Variants in ATG7 observed in about 807,000 individuals in gnomAD.
The protein encoded by ATG7 is ubiquitin-like modifier-activating enzyme ATG7.
In ATG7, 70 loss-of-function variants were observed where a neutral mutation model predicts 82.4. That is an observed-to-expected ratio of 0.85 (90% CI 0.70 to 1.04). The LOEUF is 1.04. Among genes scored for constraint, ATG7 ranks in the 50% least tolerant of loss-of-function variants. The pLI is 0.00. For missense variants in ATG7, 792 were observed against 864.3 expected, an observed-to-expected ratio of 0.92 and a Z score of 1.05; for synonymous variants, 287 against 313.0, an observed-to-expected ratio of 0.92 and a Z score of 0.88.
At position 11,518,447 on chromosome 3, in the gene ATG7, T is replaced by C. The variant is rs183966825; in HGVS notation, c.2080-36364T>C. 3.4e-3 allele frequency among the ~76,000 whole-genome samples: 515 copies of C among 151,726 alleles called. 2 individuals carry two copies. Among genetic ancestry groups the C allele is most frequent in the African/African-American group, 0.012 (487 of 41,332 alleles). On this transcript the variant is annotated intron_variant, in intron 20 of 20. Transcript: ENST00000693202. ...CTATAGTCCCAGCTACTTGGGAGGC[T>C]GAGGCAGGAGAATCTCTTGAACCCA...
intron 20 of ATG7, among the ~76,000 whole-genome samples, chr3:11,485,136 T>C (rs1328509322): frequency 6.6e-6 from 1 of 152,204 alleles, no homozygotes; most frequent in Non-Finnish European, 1.5e-5. Context: ...TCCACAAGGG[T>C]TGAACTAGTT....
chr3:11,401,188 T>C (rs189028483), intron 19 of ATG7, among the ~76,000 whole-genome samples: 1 of 152,368 alleles, frequency 6.6e-6, no homozygotes, highest in African/African-American at 2.4e-5. Flanking sequence ...ACTTCTGTTT[T>C]AACAAGCCTT....
chr3:11,515,406 C>T (rs1263751160), intron 20 of ATG7, among the ~76,000 whole-genome samples: 2 of 151,744 alleles, frequency 1.3e-5, no homozygotes, highest in African/African-American at 4.8e-5. Context: ...CCGGTTCAAG[C>T]GATTGTCCTG....
rs529530757 is a variant in ATG7 at position 11,540,077 on chromosome 3, G to T, written c.2080-14734G>T. ...TGGGAGATTATCTAGGACTAGAATTGCTGGGTCCTATGGTGGAAGTGTATG... is the reference window on the plus strand; with the variant it reads ...TGGGAGATTATCTAGGACTAGAATTTCTGGGTCCTATGGTGGAAGTGTATG... On this transcript the variant is annotated intron_variant, in intron 20 of 20. Transcript: ENST00000693202. Among the ~76,000 whole-genome samples the T allele has an allele frequency of 1.4e-4, 21 of 152,352 alleles. 1 individual carries two copies. The highest frequency in any genetic ancestry group is 4.6e-4 in the African/African-American group (19 of 41,586).
At chr3:11,545,195 G>GGC (rs2071172958) in intron 20 of ATG7, among the ~76,000 whole-genome samples, 5 of 152,174 alleles carry the variant, frequency 3.3e-5, no homozygotes, top group Non-Finnish European at 7.4e-5. Context: ...CAGGGCTGGG[G>GGC]GCCTAGGGCC....
intron 20 of ATG7, among the ~76,000 whole-genome samples, chr3:11,445,374 A>G (rs1469366753): frequency 6.6e-6 from 1 of 152,216 alleles, no homozygotes; most frequent in African/African-American, 2.4e-5. Context: ...ATGCAGCCAT[A>G]AAAAAGAAGA....
intron 20 of ATG7, 22 bp from the exon 21 acceptor site, chr3:11,554,789 G>A (rs753375336): frequency 7.6e-5 from 122 of 1,612,772 alleles, no homozygotes; most frequent in Middle Eastern, 1.6e-4. Context: ...TCTCGGCTGA[G>A]CCTCTCCCCT....
At chr3:11,306,854 C>G (rs987913577) in intron 5 of ATG7, 89 bp from the exon 6 acceptor site, 7 of 950,314 alleles carry the variant, frequency 7.4e-6, no homozygotes, top group African/African-American at 1.6e-5. Context: ...GAGCAATACC[C>G]TTTTTATCCC....
chr3:11,399,667 C>T (rs868762483), intron 19 of ATG7, among the ~76,000 whole-genome samples: 3 of 152,084 alleles, frequency 2.0e-5, no homozygotes, highest in South Asian at 2.1e-4. Flanking sequence ...CTCCACTTCC[C>T]GGGCTCAGAC....
At chr3:11,492,623 C>T (rs1455576914) in intron 20 of ATG7, among the ~76,000 whole-genome samples, 6 of 152,176 alleles carry the variant, frequency 3.9e-5, no homozygotes, top group Admixed American at 1.3e-4. Flanking sequence ...GCTGCTGCTT[C>T]GGGCACTGGC....
intron 20 of ATG7, among the ~76,000 whole-genome samples, chr3:11,444,117 T>C (rs983217838): frequency 3.3e-5 from 5 of 152,210 alleles, no homozygotes; most frequent in Middle Eastern, 3.2e-3. Flanking sequence ...TTGCCCAATA[T>C]TGTAAAGGTT....
chr3:11,336,127 G>A (rs1952442591), intron 11 of ATG7, among the ~76,000 whole-genome samples: 1 of 150,584 alleles, frequency 6.6e-6, no homozygotes, highest in South Asian at 2.1e-4. Context: ...GCAATCCTGG[G>A]TTCAAAAGCA....
Position 11,519,685 on chromosome 3 carries a change from G to T in ATG7, c.2080-35126G>T, listed in dbSNP as rs573705218. Among the ~76,000 whole-genome samples the T allele has an allele frequency of 2.0e-5, 3 of 150,400 alleles. No individual in the cohort carries two copies. The South Asian group carries it at 6.4e-4, about 32-fold the overall frequency. On this transcript the variant is annotated intron_variant, in intron 20 of 20. Transcript: ENST00000693202. ...CGCCATTCTCCTGCCTCAGCCTCCC[G>T]AGTAGCTGGGACCACAGGCGCCCGT... is the stretch of plus-strand genomic sequence containing the variant.
chr3:11,498,204 G>C lies in ATG7; in HGVS notation c.2080-56607G>C, dbSNP rs190751022. Among the ~76,000 whole-genome samples the C allele has an allele frequency of 1.7e-4, 26 of 152,230 alleles. No individual in the cohort carries two copies. In the East Asian group the frequency reaches 5.0e-3, roughly 29 times the overall value. ...ATAACCCACCTCTTTCTCTAGAATTGAGGCTGTAGTCTCCAAACAGAATTT... is the reference window on the plus strand; with the variant it reads ...ATAACCCACCTCTTTCTCTAGAATTCAGGCTGTAGTCTCCAAACAGAATTT... On this transcript the variant is annotated intron_variant, in intron 20 of 20. Transcript: ENST00000693202.
chr3:11,554,762 C>T (rs771949430), intron 20 of ATG7, 49 bp from the exon 21 acceptor site: 6 of 1,607,666 alleles, frequency 3.7e-6, no homozygotes, highest in Non-Finnish European at 4.2e-6. Flanking sequence ...GTGTGCCCCC[C>T]ACCGGGCAGT....
chr3:11,407,284 C>CT (rs2080434296), intron 19 of ATG7, among the ~76,000 whole-genome samples: 1 of 152,226 alleles, frequency 6.6e-6, no homozygotes, highest in South Asian at 2.1e-4. Context: ...CCAGGTCATG[C>CT]TGATGCAAGA....
At chr3:11,308,917 T>G (rs1479567199) in intron 6 of ATG7, 67 bp from the exon 7 acceptor site, 1 of 1,437,540 alleles carries the variant, frequency 7.0e-7, no homozygotes, top group Non-Finnish European at 9.8e-7. Flanking sequence ...AGCTCCACAC[T>G]TCACCTGAGA....
At chr3:11,449,880 G>C (rs1413044954) in intron 20 of ATG7, among the ~76,000 whole-genome samples, 1 of 152,202 alleles carries the variant, frequency 6.6e-6, no homozygotes. Context: ...TTTTCATTTT[G>C]AGTTGTCTAT....
chr3:11,277,974 A>G (rs1468622063), intron 1 of ATG7, among the ~76,000 whole-genome samples: 1 of 139,816 alleles, frequency 7.2e-6, no homozygotes, highest in Non-Finnish European at 1.5e-5. Context: ...ATTTAGTGAT[A>G]TCTTCCCTAC....
Sources: gnomAD v4.1 joint callset for allele counts (sites outside exome capture counted in the v4.1 genomes callset) on GRCh38, gnomAD v4.1.1 for gene constraint, MANE v1.5 for transcripts, NCBI Gene and HGNC (gene_info 2026-07-23, HGNC 2026-07-21) for gene names.